The following DPP10 variants were observed in gnomAD, a reference collection of about 807,000 sequenced individuals.
The protein encoded by DPP10 is dipeptidyl peptidase like 10.
DPP10 carries 33 observed loss-of-function variants against 120.9 expected under a neutral mutation model. The ratio of observed to expected loss-of-function variants is 0.27; its 90% CI spans 0.21 to 0.37. The LOEUF (loss-of-function observed/expected upper bound fraction) is 0.37. DPP10 is among the 10% of genes least tolerant of loss of function. The pLI, the probability that DPP10 is intolerant of heterozygous loss-of-function variation, is 1.00. For synonymous variants in DPP10, 337 were observed against 326.1 expected (o/e 1.03, Z -0.36); for missense variants, 816 against 942.8 (o/e 0.87, Z 1.76).
chr2:115,662,557 A>G (rs1406622419), intron 5 of DPP10, among the ~76,000 whole-genome samples: 1 of 152,152 alleles, frequency 6.6e-6, no homozygotes, highest in Non-Finnish European at 1.5e-5. Context: ...ACTAATCATC[A>G]GGAAAATGCA....
intron 21 of DPP10, among the ~76,000 whole-genome samples, chr2:115,825,196 C>T (rs1484607257): frequency 6.6e-6 from 1 of 152,100 alleles, no homozygotes; most frequent in Non-Finnish European, 1.5e-5. Context: ...GCATGCATTC[C>T]ACCTTTCTAC....
intron 1 of DPP10, among the ~76,000 whole-genome samples, chr2:115,245,816 G>T (rs961085986): frequency 1.3e-5 from 2 of 152,072 alleles, no homozygotes; most frequent in Admixed American, 1.3e-4. Flanking sequence ...TAAAATTAAT[G>T]ATTAATGATT....
At chr2:115,653,519 A>C (rs1012876036) in intron 5 of DPP10, among the ~76,000 whole-genome samples, 2 of 151,966 alleles carry the variant, frequency 1.3e-5, no homozygotes, top group Non-Finnish European at 2.9e-5. Flanking sequence ...AATGCTCCTA[A>C]AAGTTTTTCT....
chr2:115,018,978 G>A (rs1296622162), intron 1 of DPP10, among the ~76,000 whole-genome samples: 4 of 151,902 alleles, frequency 2.6e-5, no homozygotes, highest in Non-Finnish European at 4.4e-5. Flanking sequence ...CCGGGGAGGA[G>A]CCACAGCTGC....
intron 1 of DPP10, among the ~76,000 whole-genome samples, chr2:114,645,355 C>T (rs1188634510): frequency 1.3e-5 from 2 of 152,184 alleles, no homozygotes; most frequent in Non-Finnish European, 2.9e-5. Context: ...GCCAAGATAC[C>T]TGAAGAACTG....
chr2:115,201,523 A>T (rs2055719556), intron 1 of DPP10, among the ~76,000 whole-genome samples: 1 of 152,166 alleles, frequency 6.6e-6, no homozygotes, highest in Non-Finnish European at 1.5e-5. Flanking sequence ...CTTTAGAGAC[A>T]GGTCGGATTT....
rs1238047393 is a variant in DPP10 at position 115,133,143 on chromosome 2, G to GTATA, written c.61-176095_61-176094insATAT. ...TGTGTGTGTGTGTGTGTGTGTGTGT[G>GTATA]TGTATATATATATATATATATATAT... On this transcript the variant is annotated intron_variant, in intron 1 of 25. Coordinates refer to ENST00000410059, the MANE Select transcript of DPP10 (RefSeq NM_020868.6). Among the ~76,000 whole-genome samples, 37 of 31,998 alleles carry GTATA rather than the reference G, an allele frequency of 1.2e-3. 1 individual carries two copies. The highest frequency in any genetic ancestry group is 2.7e-3 in the South Asian group (2 of 750). 21.0% of individuals were successfully genotyped at this position (31,998 alleles called of 152,430 possible).
intron 1 of DPP10, chr2:115,233,841 A>G (rs1419320862): frequency 4.3e-6 from 2 of 466,974 alleles, no homozygotes; most frequent in Non-Finnish European, 4.3e-6. Context: ...TGTGGGATGC[A>G]GGCTTTTCCC....
chr2:114,645,404 G>T (rs1696042381), intron 1 of DPP10, among the ~76,000 whole-genome samples: 1 of 152,146 alleles, frequency 6.6e-6, no homozygotes, highest in African/African-American at 2.4e-5. Flanking sequence ...CTTTTTTATG[G>T]AAATCTCTGT....
At position 115,843,525 on chromosome 2, in the gene DPP10, A is replaced by G. The variant is rs1370553844; in HGVS notation, c.*1180A>G. On this transcript the variant is annotated 3_prime_UTR_variant, in exon 26 of 26. Transcript: ENST00000410059. ...ATTCATCTGTTACTGTTTAATTTCA[A>G]TTCTTCTGGTGAGAATTAGAAATGA... The G allele has an allele frequency of 2.6e-5, 4 of 152,202 alleles. No homozygotes were observed. The highest frequency in any genetic ancestry group is 6.5e-5 in the Admixed American group (1 of 15,270). The allele number at this position is 152,202 out of a possible 1,614,324, so 9.4% of individuals were successfully genotyped here. A position where few individuals can be genotyped will look rare whatever the true frequency, so the allele number is the denominator to read the frequency against.
chr2:115,075,265 T>G (rs948103360), intron 1 of DPP10, among the ~76,000 whole-genome samples: 1 of 152,230 alleles, frequency 6.6e-6, no homozygotes, highest in African/African-American at 2.4e-5. Flanking sequence ...TGTTTAGAAG[T>G]AAAAGCAAAG....
intron 1 of DPP10, among the ~76,000 whole-genome samples, chr2:114,919,848 T>G (rs1695071501): frequency 6.6e-6 from 1 of 152,176 alleles, no homozygotes; most frequent in South Asian, 2.1e-4. Context: ...AGTCACATTT[T>G]CAGTGCCTGG....
intron 1 of DPP10, among the ~76,000 whole-genome samples, chr2:115,263,165 G>T (rs1422202738): frequency 6.6e-6 from 1 of 152,126 alleles, no homozygotes; most frequent in Non-Finnish European, 1.5e-5. Flanking sequence ...CATCTTCTGG[G>T]TCAAATTAGG....
intron 1 of DPP10, among the ~76,000 whole-genome samples, chr2:115,117,965 T>C (rs1490590551): frequency 1.3e-5 from 2 of 152,122 alleles, no homozygotes; most frequent in Non-Finnish European, 1.5e-5. Flanking sequence ...AAAACTAGGT[T>C]TTCAAATGCA....
At chr2:115,402,686 ACG>A (rs2068159784) in intron 3 of DPP10, among the ~76,000 whole-genome samples, 1 of 150,858 alleles carries the variant, frequency 6.6e-6, no homozygotes, top group African/African-American at 2.4e-5. Flanking sequence ...GCAGGACTGG[ACG>A]GCTTCACTGC....
chr2:115,629,877 A>C (rs1399213603), intron 5 of DPP10, among the ~76,000 whole-genome samples: 1 of 152,148 alleles, frequency 6.6e-6, no homozygotes, highest in Non-Finnish European at 1.5e-5. Flanking sequence ...TGTCTTGGCT[A>C]TGCGGGCTCT....
At chr2:115,358,779 G>A (rs1574547223) in intron 3 of DPP10, among the ~76,000 whole-genome samples, 1 of 152,122 alleles carries the variant, frequency 6.6e-6, no homozygotes, top group South Asian at 2.1e-4. Context: ...AAGGCCTCAG[G>A]CAACTTACAA....
At chr2:115,127,199 T>C (rs577626315) in intron 1 of DPP10, among the ~76,000 whole-genome samples, 23 of 152,336 alleles carry the variant, frequency 1.5e-4, no homozygotes, top group Admixed American at 5.2e-4. Flanking sequence ...CTGTAAGAAC[T>C]AGAGAAAAAC....
chr2:114,981,477 A>G (rs1700088171), intron 1 of DPP10, among the ~76,000 whole-genome samples: 1 of 152,226 alleles, frequency 6.6e-6, no homozygotes, highest in Non-Finnish European at 1.5e-5. Flanking sequence ...GTATAAATGT[A>G]TGAGCCCATA....
Sources: gnomAD v4.1 joint callset for allele counts (sites outside exome capture counted in the v4.1 genomes callset) on GRCh38, gnomAD v4.1.1 for gene constraint, MANE v1.5 for transcripts, NCBI Gene and HGNC (gene_info 2026-07-23, HGNC 2026-07-21) for gene names.